Variants in MYPN observed in about 807,000 individuals in gnomAD.
The protein encoded by MYPN is sarcomeric protein myopalladin, 145 kDa (MYOP).
A neutral mutation model predicts 129.4 loss-of-function variants in MYPN; 63 were observed. That is an observed-to-expected ratio of 0.49 (90% CI 0.40 to 0.60). MYPN has a LOEUF of 0.60. MYPN is among the 20% of genes least tolerant of loss of function. The pLI, the probability that MYPN is intolerant of heterozygous loss-of-function variation, is 0.00. For missense variants in MYPN, 1,596 were observed against 1,635.4 expected, an observed-to-expected ratio of 0.98 and a Z score of 0.42; for synonymous variants, 629 against 600.9, an observed-to-expected ratio of 1.05 and a Z score of -0.68.
chr10:68,174,394 C>T lies in MYPN; in HGVS notation c.2302C>T (p.Pro768Ser), dbSNP rs772356751. The change falls in exon 11 of 20, where the codon CCC becomes TCC. Residue 768 changes from proline to serine, a missense_variant. By Grantham distance (74) the Pro-to-Ser change is moderately conservative. Transcript: ENST00000358913. ...VSKESLLVSH[P>S]SVQTKSPGGL... ...CAAAGAAAGCCTCTTAGTGTCTCAC[C>T]CCTCTGTGCAAACCAAATCTCCAGG... 2.5e-6 allele frequency: 4 copies of T among 1,614,146 alleles called. No individual in the cohort carries two copies. In the South Asian group the frequency reaches 3.3e-5, roughly 13 times the overall value.
At chr10:68,116,820 A>C (rs943510284) in intron 1 of MYPN, among the ~76,000 whole-genome samples, 14 of 152,212 alleles carry the variant, frequency 9.2e-5, no homozygotes, top group African/African-American at 3.4e-4. Context: ...TTTTCACTTG[A>C]AAGTCATCTT....
intron 6 of MYPN, among the ~76,000 whole-genome samples, chr10:68,151,086 C>T (rs570616207): frequency 6.6e-5 from 10 of 152,102 alleles, no homozygotes; most frequent in Non-Finnish European, 1.3e-4. Flanking sequence ...CCCCCCACAA[C>T]AAAAATTGTC....
In MYPN at chr10:68,182,242, AT is replaced by A. The variant is rs1190489078; in HGVS notation, c.2704-6662del. Among the ~76,000 whole-genome samples the A allele has an allele frequency of 9.9e-5, 8 of 80,858 alleles. No individual in the cohort carries two copies. In the South Asian group the frequency reaches 1.7e-3, roughly 17 times the overall value. The allele number at this position is 80,858 out of a possible 152,430, so 53.0% of individuals were successfully genotyped here. A position where few individuals can be genotyped will look rare whatever the true frequency, so the allele number is the denominator to read the frequency against. On this transcript the variant is annotated intron_variant, in intron 12 of 19. Transcript: ENST00000358913. ...TATATAACACATATATATATAACAT[AT>A]ATATAACACACATATATATATAACA...
intron 17 of MYPN, among the ~76,000 whole-genome samples, chr10:68,200,420 A>G (rs2043690085): frequency 6.6e-6 from 1 of 152,182 alleles, no homozygotes; most frequent in South Asian, 2.1e-4. Context: ...AGAATGCAGG[A>G]ATTCTGGTGC....
intron 12 of MYPN, among the ~76,000 whole-genome samples, chr10:68,183,286 C>A (rs1398734979): frequency 6.6e-6 from 1 of 152,038 alleles, no homozygotes; most frequent in Non-Finnish European, 1.5e-5. Context: ...CATGGCGAAA[C>A]CCCATCTACA....
In MYPN at chr10:68,205,516, C is replaced by CAA. The variant is rs35907393; in HGVS notation, c.3660-1240_3660-1239dup. 1.3e-3 allele frequency among the ~76,000 whole-genome samples: 180 copies of CAA among 134,662 alleles called. 1 individual carries two copies. Among genetic ancestry groups the CAA allele is most frequent in the African/African-American group, 4.7e-3 (166 of 35,596 alleles). 88.3% of individuals were successfully genotyped at this position (134,662 alleles called of 152,430 possible). On this transcript the variant is annotated intron_variant, in intron 18 of 19. Transcript: ENST00000358913. ...TAACACAGTGAAACCCTATTTCTACCAAAAAAAAAAAAAAAGAAAAATTAG... is the reference window on the plus strand; with the variant it reads ...TAACACAGTGAAACCCTATTTCTACCAAAAAAAAAAAAAAAAAGAAAAATTAG...
intron 13 of MYPN, among the ~76,000 whole-genome samples, chr10:68,191,216 C>CTTTTTTTTTTTT (rs56335317): frequency 1.4e-5 from 2 of 144,338 alleles, no homozygotes. Context: ...TTTTCTATTT[C>CTTTTTTTTTTTT]TTTTTTTTTT....
At chr10:68,174,726 T>G in intron 11 of MYPN, 70 bp downstream of exon 11, 1 of 1,399,020 alleles carries the variant, frequency 7.1e-7, no homozygotes, top group East Asian at 2.3e-5. Context: ...AATAGCTTGA[T>G]CTGAAACAGG....
At chr10:68,151,906 A>G (rs1222709823) in intron 6 of MYPN, among the ~76,000 whole-genome samples, 1 of 152,212 alleles carries the variant, frequency 6.6e-6, no homozygotes, top group African/African-American at 2.4e-5. Context: ...ATGAGTGACC[A>G]TGGCCTGTGA....
chr10:68,168,991 T>TAAAAAAAAA lies in MYPN; in HGVS notation c.1973+2346_1973+2354dup, dbSNP rs71009012. Among the ~76,000 whole-genome samples, 4 of 80,304 alleles carry TAAAAAAAAA rather than the reference T, an allele frequency of 5.0e-5. 1 individual carries two copies. Among genetic ancestry groups the TAAAAAAAAA allele is most frequent in the African/African-American group, 2.5e-4 (4 of 16,058 alleles). 52.7% of individuals were successfully genotyped at this position (80,304 alleles called of 152,430 possible). A position where few individuals can be genotyped will look rare whatever the true frequency, so the allele number is the denominator to read the frequency against. ...TGGGCGACAGAATGAGATTATTTCT[T>TAAAAAAAAA]AAAAAAAAAAAAAAAAAAAAAAAAA... On this transcript the variant is annotated intron_variant, in intron 10 of 19. Transcript: ENST00000358913.
At chr10:68,091,097 T>C (rs1334595450) in intron 1 of MYPN, among the ~76,000 whole-genome samples, 1 of 152,188 alleles carries the variant, frequency 6.6e-6, no homozygotes, top group Non-Finnish European at 1.5e-5. Flanking sequence ...GCTTTTCTTT[T>C]CTTTACGAGG....
intron 1 of MYPN, among the ~76,000 whole-genome samples, chr10:68,118,079 T>A (rs2042183947): frequency 6.6e-6 from 1 of 152,180 alleles, no homozygotes; most frequent in African/African-American, 2.4e-5. Flanking sequence ...CCTGAAAGTT[T>A]TGTTGTAATA....
chr10:68,094,825 G>A (rs2041948912), intron 1 of MYPN, among the ~76,000 whole-genome samples: 3 of 152,158 alleles, frequency 2.0e-5, no homozygotes, highest in African/African-American at 4.8e-5. Flanking sequence ...ACTTTGGGAG[G>A]CCAAGGTGGG....
At chr10:68,170,413 A>G (rs1054586185) in intron 10 of MYPN, among the ~76,000 whole-genome samples, 1 of 152,166 alleles carries the variant, frequency 6.6e-6, no homozygotes, top group African/African-American at 2.4e-5. Context: ...AGATATGAAT[A>G]TATATATTCA....
chr10:68,126,394 C>G (rs2134010023), intron 2 of MYPN, among the ~76,000 whole-genome samples: 1 of 152,190 alleles, frequency 6.6e-6, no homozygotes, highest in South Asian at 2.1e-4. Context: ...TCAAAACAAA[C>G]TGGAAACCAT....
chr10:68,151,282 G>A (rs1430326664), intron 6 of MYPN, among the ~76,000 whole-genome samples: 1 of 152,224 alleles, frequency 6.6e-6, no homozygotes, highest in Admixed American at 6.5e-5. Context: ...CCAAAACCCA[G>A]AGTGGAGTCT....
At chr10:68,194,329 A>G (rs2043566983) in intron 13 of MYPN, 34 bp from the exon 14 acceptor site, 1 of 1,609,672 alleles carries the variant, frequency 6.2e-7, no homozygotes, top group Non-Finnish European at 8.5e-7. Flanking sequence ...AAGATAAACA[A>G]AACAGTGTAC....
At chr10:68,177,852 T>C (rs971618382) in intron 12 of MYPN, among the ~76,000 whole-genome samples, 6 of 152,206 alleles carry the variant, frequency 3.9e-5, no homozygotes. Flanking sequence ...CTTTGAAAAC[T>C]TTTAGGTCCA....
intron 4 of MYPN, 122 bp from the exon 5 acceptor site, chr10:68,148,231 A>T: frequency 1.2e-6 from 1 of 867,988 alleles, no homozygotes. Flanking sequence ...GTAAAATATC[A>T]TCAAACCAAG....
Sources: gnomAD v4.1 joint callset for allele counts (sites outside exome capture counted in the v4.1 genomes callset) on GRCh38, gnomAD v4.1.1 for gene constraint, MANE v1.5 for transcripts, NCBI Gene and HGNC (gene_info 2026-07-23, HGNC 2026-07-21) for gene names.